The following PM20D1 variants were observed in gnomAD, a reference collection of about 807,000 sequenced individuals.
PM20D1 encodes the protein N-fatty-acyl-amino acid synthase/hydrolase PM20D1.
Under a neutral mutation model 53.8 loss-of-function variants are expected in PM20D1, and 53 were observed. That is an observed-to-expected ratio of 0.98 (90% confidence interval 0.79 to 1.24). The LOEUF (loss-of-function observed/expected upper bound fraction) is 1.24. PM20D1 is among the 50% of genes most tolerant of loss of function. The probability of loss-of-function intolerance (pLI) is 0.00; values close to 1 mark genes in which losing one functional copy is unlikely to be tolerated. For synonymous variants in PM20D1, 239 were observed against 241.3 expected (o/e 0.99, Z 0.09); for missense variants, 564 against 616.8 (o/e 0.91, Z 0.91).
chr1:205,830,493 G>A, intron 11 of PM20D1, 114 bp from the exon 12 acceptor site: 4 of 709,562 alleles, frequency 5.6e-6, no homozygotes, highest in Non-Finnish European at 1.0e-5. Context: ...ACAGAGCAAT[G>A]CCTGGGCTCT....
intron 7 of PM20D1, 112 bp from the exon 8 acceptor site, chr1:205,842,327 A>AG: frequency 1.1e-6 from 1 of 950,042 alleles, no homozygotes; most frequent in South Asian, 1.4e-5. Context: ...AGCAGTCAGG[A>AG]GTGCTGCTAA....
chr1:205,840,111 G>A lies in PM20D1; in HGVS notation c.1116+141C>T, dbSNP rs531034182. 324 of 577,844 alleles carry A rather than the reference G, an allele frequency of 5.6e-4. 1 individual carries two copies. The highest frequency in any genetic ancestry group is 2.4e-3 in the African/African-American group (128 of 53,216). The allele number at this position is 577,844 out of a possible 1,614,324, so 35.8% of individuals were successfully genotyped here. A position where few individuals can be genotyped will look rare whatever the true frequency, so the allele number is the denominator to read the frequency against. ...GATCTCCAATCCTAATGAAGTATCC[G>A]GTGCATAGGTTGTCTTTGAAAAATG... is the stretch of plus-strand genomic sequence containing the variant. On this transcript the variant is annotated intron_variant, in intron 10 of 12. Coordinates refer to ENST00000367136, the MANE Select transcript of PM20D1 (RefSeq NM_152491.5).
intron 4 of PM20D1, 143 bp downstream of exon 4, chr1:205,844,668 C>T: frequency 1.4e-6 from 1 of 691,118 alleles, no homozygotes; most frequent in Middle Eastern, 3.9e-4. Flanking sequence ...TTAGATAGTC[C>T]TGGCATACAG....
At chr1:205,841,972 A>T in intron 8 of PM20D1, 83 bp from the exon 9 acceptor site, 1 of 1,343,740 alleles carries the variant, frequency 7.4e-7, no homozygotes, top group South Asian at 1.3e-5. Flanking sequence ...ACTTTCCTGA[A>T]CCTTGGGGAT....
chr1:205,847,006 C>CTTTTTTTT, intron 2 of PM20D1, among the ~76,000 whole-genome samples: 1 of 44,670 alleles, frequency 2.2e-5, no homozygotes, highest in Non-Finnish European at 3.9e-5. Context: ...TCCTTCCTTT[C>CTTTTTTTT]TTTTTTTTTT....
intron 6 of PM20D1, 95 bp downstream of exon 6, chr1:205,843,572 A>G: frequency 6.7e-7 from 1 of 1,498,174 alleles, no homozygotes; most frequent in South Asian, 1.3e-5. Flanking sequence ...GCCCAACTTT[A>G]GGGCAGGAAG....
At chr1:205,848,800 C>T (rs1283199974) in intron 1 of PM20D1, among the ~76,000 whole-genome samples, 3 of 152,220 alleles carry the variant, frequency 2.0e-5, no homozygotes, top group Admixed American at 6.5e-5. Flanking sequence ...ATCAACCCTA[C>T]AATAGCATAG....
At chr1:205,843,500 C>A (rs534450877) in intron 6 of PM20D1, among the ~76,000 whole-genome samples, 167 bp downstream of exon 6, 2 of 152,314 alleles carry the variant, frequency 1.3e-5, no homozygotes, top group South Asian at 4.1e-4. Flanking sequence ...GATCTTTAGT[C>A]TGTCCTGGGC....
chr1:205,845,580 G>T, intron 2 of PM20D1, 23 bp from the exon 3 acceptor site: 1 of 1,586,360 alleles, frequency 6.3e-7, no homozygotes, highest in South Asian at 1.1e-5. Context: ...AGGGCAGGAA[G>T]AGAGAACCAG....
intron 10 of PM20D1, among the ~76,000 whole-genome samples, chr1:205,837,771 G>A (rs981329610): frequency 6.6e-6 from 1 of 152,128 alleles, no homozygotes; most frequent in Non-Finnish European, 1.5e-5. Flanking sequence ...TAGAGAGGAG[G>A]GAAGAGTGCC....
At chr1:205,829,747 C>T (rs997236744) in intron 12 of PM20D1, 1 of 153,220 alleles carries the variant, frequency 6.5e-6, no homozygotes, top group East Asian at 1.9e-4. Flanking sequence ...AAATGGAAAT[C>T]ATCCTCCCAA....
Position 205,842,734 on chromosome 1 carries a change from A to G in PM20D1, c.845T>C (p.Met282Thr), listed in dbSNP as rs1273910674. 6.2e-7 allele frequency: 1 copy of G among 1,614,036 alleles called. No homozygotes were observed. The highest frequency in any genetic ancestry group is 1.7e-5 in the Admixed American group (1 of 60,022). Reference protein sequence around the residue: ...AAVSRLEQTPMPIIFGSGTVV... With the variant: ...AAVSRLEQTPTPIIFGSGTVV... ...TGTCCCGCTTCCAAATATGATAGGC[A>G]TTGGTGTCTGCTCCAATCTGGAAGA... Residue 282 changes from methionine to threonine, a missense_variant, in exon 7 of 13, where the codon ATG (methionine) becomes ACG (threonine). Met to Thr is a moderately conservative substitution (Grantham distance 81). Transcript: ENST00000367136.
Position 205,842,099 on chromosome 1 carries a change from G to C in PM20D1, c.965+55C>G, listed in dbSNP as rs1473984979. 15 of 1,534,098 alleles carry C rather than the reference G, an allele frequency of 9.8e-6. No homozygotes were observed. In the African/African-American group the frequency reaches 1.6e-4, roughly 17 times the overall value. Reference sequence around the variant, plus strand: ...CAGTTAAGCCAAGGAGAGGGGCCTGGGGGGTGGGTAGGTTTGAGGTGAGGG... The same window carrying C: ...CAGTTAAGCCAAGGAGAGGGGCCTGCGGGGTGGGTAGGTTTGAGGTGAGGG... On this transcript the variant is annotated intron_variant, in intron 8 of 12. Coordinates refer to ENST00000367136, the MANE Select transcript of PM20D1 (RefSeq NM_152491.5).
intron 9 of PM20D1, 61 bp from the exon 10 acceptor site, chr1:205,840,384 C>A: frequency 6.7e-7 from 1 of 1,484,470 alleles, no homozygotes; most frequent in Admixed American, 1.8e-5. Flanking sequence ...CATCTGCCTG[C>A]CCAGGAAATG....
At chr1:205,843,857 C>A in intron 5 of PM20D1, 71 bp from the exon 6 acceptor site, 1 of 1,569,956 alleles carries the variant, frequency 6.4e-7, no homozygotes, top group Non-Finnish European at 8.6e-7. Flanking sequence ...GCCCATAGGT[C>A]CATCTGTGCA....
chr1:205,829,151 T>A (rs1656504087), intron 12 of PM20D1, among the ~76,000 whole-genome samples: 1 of 152,158 alleles, frequency 6.6e-6, no homozygotes, highest in Admixed American at 6.5e-5. Flanking sequence ...CCACCTCAGC[T>A]CCTGAGTTGC....
At chr1:205,844,969 T>A in intron 3 of PM20D1, 72 bp from the exon 4 acceptor site, 1 of 1,322,958 alleles carries the variant, frequency 7.6e-7, no homozygotes, top group Non-Finnish European at 1.1e-6. Flanking sequence ...ATCAGAGACA[T>A]TCAGTTGCCT....
rs758233963 is a variant in PM20D1 at position 205,848,018 on chromosome 1, T to C, written c.170-47A>G. 5 of 1,567,844 alleles carry C rather than the reference T, an allele frequency of 3.2e-6. No individual in the cohort carries two copies. The Admixed American group carries it at 8.5e-5, about 27-fold the overall frequency. ...GAAAGATTGAAAATGAATTAGTCATTGTTTTTTTCTACAGTCCTCTGTGCA... is the reference window on the plus strand; with the variant it reads ...GAAAGATTGAAAATGAATTAGTCATCGTTTTTTTCTACAGTCCTCTGTGCA... On this transcript the variant is annotated intron_variant, in intron 1 of 12. Transcript: ENST00000367136.
At chr1:205,830,916 G>C (rs1486971740) in intron 11 of PM20D1, among the ~76,000 whole-genome samples, 1 of 152,174 alleles carries the variant, frequency 6.6e-6, no homozygotes, top group Non-Finnish European at 1.5e-5. Context: ...CCAGAATCTA[G>C]ATAGCACTTC....
Sources: gnomAD v4.1 joint callset for allele counts (sites outside exome capture counted in the v4.1 genomes callset) on GRCh38, gnomAD v4.1.1 for gene constraint, MANE v1.5 for transcripts, NCBI Gene and HGNC (gene_info 2026-07-23, HGNC 2026-07-21) for gene names.